RPS6KA2: variants seen among roughly 807,000 people sequenced by gnomAD.
RPS6KA2 encodes ribosomal protein S6 kinase A2, also known as ribosomal protein S6 kinase alpha-2.
RPS6KA2 carries 42 observed loss-of-function variants against 91.8 expected under a neutral mutation model. The observed-to-expected ratio is 0.46, with a 90% CI of 0.36 to 0.59. RPS6KA2 has a LOEUF of 0.59. RPS6KA2 is among the 20% of genes least tolerant of loss of function. RPS6KA2 has a pLI of 0.00. For missense variants in RPS6KA2, 798 were observed against 978.5 expected (o/e 0.82, Z 2.46); for synonymous variants, 414 against 393.6 (o/e 1.05, Z -0.61).
rs1783350916 is a variant in RPS6KA2, at chr6:166,533,165, ATCT to A, written c.217-1855_217-1853del. On this transcript the variant is annotated intron_variant, in intron 2 of 20. Transcript: ENST00000265678. The surrounding 1 kb of genome is among the most constrained non-coding windows in gnomAD (Gnocchi z 4.0). ...AAAACATTAGTGCTTAACTCTTGAG[ATCT>A]TCTGCTTTGAATCACGGGAAAGTCA... Among the ~76,000 whole-genome samples the A allele has an allele frequency of 1.3e-5, 2 of 152,222 alleles. No homozygotes were observed. Among genetic ancestry groups the A allele is most frequent in the South Asian group, 2.1e-4 (1 of 4,836 alleles).
chr6:166,481,688 G>A (rs1459515495), intron 10 of RPS6KA2, among the ~76,000 whole-genome samples: 1 of 151,726 alleles, frequency 6.6e-6, no homozygotes, highest in Non-Finnish European at 1.5e-5. Flanking sequence ...AGTATGTGCT[G>A]CAGCGCGGAG....
At chr6:166,549,752 CAT>C (rs1562572726) in intron 1 of RPS6KA2, among the ~76,000 whole-genome samples, 1 of 152,104 alleles carries the variant, frequency 6.6e-6, no homozygotes. Context: ...ACAGATTACA[CAT>C]GTGATATATT....
intron 2 of RPS6KA2, among the ~76,000 whole-genome samples, chr6:166,831,357 G>A (rs935787386): frequency 1.3e-5 from 2 of 152,230 alleles, no homozygotes; most frequent in South Asian, 2.1e-4. Flanking sequence ...CAGTGGGTCC[G>A]TGGCCATGAT....
Position 166,435,231 on chromosome 6 carries a change from C to T in RPS6KA2, c.1333-2741G>A, listed in dbSNP as rs1779256136. On this transcript the variant is annotated intron_variant, in intron 14 of 20. Transcript: ENST00000265678. This position sits in a 1 kb window ranked among gnomAD's most constrained non-coding sequence, Gnocchi z 4.3. Reference sequence around the variant, plus strand: ...TTTGTTGTGAGTCTTCAGAAAAATTCTGACTTACAATGATAAGTATTTGTA... The same window carrying T: ...TTTGTTGTGAGTCTTCAGAAAAATTTTGACTTACAATGATAAGTATTTGTA... 6.6e-6 allele frequency among the ~76,000 whole-genome samples: 1 copy of T among 152,162 alleles called. No individual in the cohort carries two copies. Among genetic ancestry groups the T allele is most frequent in the South Asian group, 2.1e-4 (1 of 4,824 alleles).
At chr6:166,573,938 G>A (rs977620789) in intron 1 of RPS6KA2, among the ~76,000 whole-genome samples, 18 of 152,048 alleles carry the variant, frequency 1.2e-4, no homozygotes, top group African/African-American at 2.9e-4. Flanking sequence ...AGGGAACGCC[G>A]ACCCACAAAG....
intron 2 of RPS6KA2, among the ~76,000 whole-genome samples, chr6:166,711,587 A>G (rs1789854348): frequency 6.6e-6 from 1 of 152,054 alleles, no homozygotes; most frequent in Non-Finnish European, 1.5e-5. Context: ...AGTTTTAGAC[A>G]TGAAAAATAC....
intron 2 of RPS6KA2, among the ~76,000 whole-genome samples, chr6:166,679,061 C>T (rs115486890): frequency 4.1e-4 from 63 of 152,208 alleles, no homozygotes; most frequent in African/African-American, 1.5e-3. Flanking sequence ...GACCAATTAC[C>T]AGCACTAACA....
At chr6:166,555,041 T>C (rs1784138767) in intron 1 of RPS6KA2, among the ~76,000 whole-genome samples, 1 of 152,242 alleles carries the variant, frequency 6.6e-6, no homozygotes, top group South Asian at 2.1e-4. Flanking sequence ...TCTCTAGCAA[T>C]TTGGGCTCAA....
intron 12 of RPS6KA2, among the ~76,000 whole-genome samples, chr6:166,453,647 A>G (rs1779990153): frequency 6.6e-6 from 1 of 152,216 alleles, no homozygotes; most frequent in Non-Finnish European, 1.5e-5. Context: ...CAGTACGGAA[A>G]TTTCTCAAAG....
Position 166,741,841 on chromosome 6 carries a change from G to T in RPS6KA2, c.123+116359C>A, listed in dbSNP as rs1344941850. On this transcript the variant is annotated intron_variant, in intron 2 of 21. Coordinates refer to the RPS6KA2 transcript ENST00000503859. ...AGCCCTGACAGCTGCCTCAAGAAAG[G>T]CCAGGCCGGGCGCAGTGGCTCGCAC... 2.0e-5 allele frequency among the ~76,000 whole-genome samples: 3 copies of T among 152,074 alleles called. No individual in the cohort carries two copies. The East Asian group carries it at 5.8e-4, about 29-fold the overall frequency.
chr6:166,448,836 T>G lies in RPS6KA2; in HGVS notation c.1220A>C (p.Asn407Thr). Residue 407 changes from asparagine (N) to threonine (T), a missense_variant, in exon 14 of 21, where the codon AAC becomes ACC. Physicochemically the swap from Asn to Thr is moderately conservative, Grantham distance 65 (BLOSUM62 0). Coordinates refer to ENST00000265678, the MANE Select transcript of RPS6KA2 (RefSeq NM_021135.6). This position sits in a 1 kb window ranked among gnomAD's most constrained non-coding sequence, Gnocchi z 4.7. The stretch of plus-strand genomic sequence containing the variant: ...GTAGCCATCGGTGAAGTGGATGTTG[T>G]TCCCGTGTAACTGCTGCAGAGGGAC... ...VHPIVQQLHG[N>T]NIHFTDGYEI... is the part of the protein sequence containing the mutation. The G allele has an allele frequency of 6.2e-7, 1 of 1,613,826 alleles. No individual in the cohort carries two copies. Among genetic ancestry groups the G allele is most frequent in the Non-Finnish European group, 8.5e-7 (1 of 1,179,908 alleles).
intron 2 of RPS6KA2, among the ~76,000 whole-genome samples, chr6:166,809,011 G>C (rs992046230): frequency 2.0e-5 from 3 of 152,186 alleles, no homozygotes; most frequent in African/African-American, 7.2e-5. Flanking sequence ...TACAAGTATG[G>C]TACTGGTGCA....
In RPS6KA2 at chr6:166,665,521, C is replaced by T. The variant is rs541193057; in HGVS notation, c.124-126737G>A. Among the ~76,000 whole-genome samples, 17 of 152,094 alleles carry T rather than the reference C, an allele frequency of 1.1e-4. No individual in the cohort carries two copies. Among genetic ancestry groups the T allele is most frequent in the South Asian group, 1.0e-3 (5 of 4,798 alleles). On this transcript the variant is annotated intron_variant, in intron 2 of 21. Transcript: ENST00000503859. This position sits in a 1 kb window ranked among gnomAD's most constrained non-coding sequence, Gnocchi z 4.5. Reference sequence around the variant, plus strand: ...CCATGTGACTTCCCCACCTTTGTGGCGCATGGTATGAAGAGTACAGGAAAG... The same window carrying T: ...CCATGTGACTTCCCCACCTTTGTGGTGCATGGTATGAAGAGTACAGGAAAG...
At chr6:166,667,146 G>A (rs1408895140) in intron 2 of RPS6KA2, among the ~76,000 whole-genome samples, 1 of 152,228 alleles carries the variant, frequency 6.6e-6, no homozygotes, top group African/African-American at 2.4e-5. Context: ...TTTGAGAAAG[G>A]AACGGAGTTC....
At chr6:166,562,358 G>T (rs1316090068) in intron 1 of RPS6KA2, among the ~76,000 whole-genome samples, 1 of 152,064 alleles carries the variant, frequency 6.6e-6, no homozygotes, top group Non-Finnish European at 1.5e-5. Flanking sequence ...TTATATTATT[G>T]TTAGTATCAC....
intron 3 of RPS6KA2, among the ~76,000 whole-genome samples, chr6:166,519,128 C>CA (rs1782760193): frequency 6.6e-6 from 1 of 152,198 alleles, no homozygotes; most frequent in Non-Finnish European, 1.5e-5. Context: ...CTTTGACAGC[C>CA]AGGGAGTCCA....
intron 14 of RPS6KA2, among the ~76,000 whole-genome samples, chr6:166,436,620 A>G (rs1441310474): frequency 6.6e-6 from 1 of 152,248 alleles, no homozygotes; most frequent in African/African-American, 2.4e-5. Context: ...TCGCACTAGC[A>G]GAACTGCCCA....
Position 166,648,049 on chromosome 6 carries a change from T to C in RPS6KA2, c.124-109265A>G, listed in dbSNP as rs1787704667. Among the ~76,000 whole-genome samples, 2 of 138,346 alleles carry C rather than the reference T, an allele frequency of 1.4e-5. No homozygotes were observed. The highest frequency in any genetic ancestry group is 7.2e-5 in the Admixed American group (1 of 13,938). The allele number at this position is 138,346 out of a possible 152,430, so 90.8% of individuals were successfully genotyped here. ...ACATACACACATGCTCTCACACACA[T>C]GCACATGCTCACACACATGCACACG... On this transcript the variant is annotated intron_variant, in intron 2 of 21. Coordinates refer to the RPS6KA2 transcript ENST00000503859. The surrounding 1 kb of genome is among the most constrained non-coding windows in gnomAD (Gnocchi z 4.8).
intron 2 of RPS6KA2, among the ~76,000 whole-genome samples, chr6:166,829,088 G>A (rs1252185278): frequency 2.0e-5 from 3 of 152,108 alleles, no homozygotes; most frequent in African/African-American, 4.8e-5. Flanking sequence ...ACGGAGAAAC[G>A]CTCAACATCA....
Sources: gnomAD v4.1 joint callset for allele counts (sites outside exome capture counted in the v4.1 genomes callset) on GRCh38, gnomAD v4.1.1 for gene constraint, Gnocchi (gnomAD v3.1) non-coding constraint, MANE v1.5 for transcripts, NCBI Gene and HGNC (gene_info 2026-07-23, HGNC 2026-07-21) for gene names.